PTPRT: variants seen among roughly 807,000 people sequenced by gnomAD.
PTPRT encodes the protein protein tyrosine phosphatase receptor type T, also known as receptor-type tyrosine-protein phosphatase T.
In PTPRT, 56 loss-of-function variants were observed where a neutral mutation model predicts 176.8. That is an observed-to-expected ratio of 0.32 (90% confidence interval 0.26 to 0.40). The LOEUF (loss-of-function observed/expected upper bound fraction) is 0.40, where lower values mean the gene tolerates loss of function less well. PTPRT is among the 10% of genes least tolerant of loss of function. The pLI is 1.00. For synonymous variants in PTPRT, 783 were observed against 739.0 expected, an observed-to-expected ratio of 1.06 and a Z score of -0.96; for missense variants, 1,540 against 1,908.2, an observed-to-expected ratio of 0.81 and a Z score of 3.60.
chr20:42,414,169 C>G (rs2059043508), intron 9 of PTPRT, among the ~76,000 whole-genome samples: 1 of 152,148 alleles, frequency 6.6e-6, no homozygotes, highest in Admixed American at 6.5e-5. Context: ...CCTAGCACTA[C>G]TCAACCAATA....
At chr20:42,946,087 C>T (rs140987935) in intron 1 of PTPRT, among the ~76,000 whole-genome samples, 100 of 152,280 alleles carry the variant, frequency 6.6e-4, no homozygotes, top group African/African-American at 2.1e-3. Flanking sequence ...GGGCCCCTGG[C>T]CAGTTAGAGA....
intron 12 of PTPRT, among the ~76,000 whole-genome samples, chr20:42,297,417 C>T (rs189156300): frequency 1.3e-5 from 2 of 152,240 alleles, no homozygotes; most frequent in East Asian, 1.9e-4. Context: ...AAAGACATCC[C>T]TTATCTCAGG....
intron 1 of PTPRT, among the ~76,000 whole-genome samples, chr20:43,168,513 T>C (rs945050760): frequency 6.6e-6 from 1 of 152,212 alleles, no homozygotes; most frequent in African/African-American, 2.4e-5. Context: ...CCCTATTGCA[T>C]AGGAATTTTT....
At chr20:42,557,839 G>C (rs936325685) in intron 7 of PTPRT, among the ~76,000 whole-genome samples, 2 of 152,178 alleles carry the variant, frequency 1.3e-5, no homozygotes, top group African/African-American at 2.4e-5. Context: ...GAAATTCTCA[G>C]GAAGGCTGGA....
chr20:42,984,316 T>C (rs1395104511), intron 1 of PTPRT, among the ~76,000 whole-genome samples: 1 of 152,130 alleles, frequency 6.6e-6, no homozygotes, highest in Non-Finnish European at 1.5e-5. Context: ...ACAGACCATA[T>C]AAAGAGACAG....
chr20:42,205,012 A>T (rs2055419235), intron 15 of PTPRT, among the ~76,000 whole-genome samples: 1 of 133,858 alleles, frequency 7.5e-6, no homozygotes, highest in African/African-American at 2.8e-5. Context: ...TTTAGGGTAC[A>T]TGTGCACAAC....
At position 42,472,549 on chromosome 20, in the gene PTPRT, G is replaced by T; in HGVS notation, c.1167C>A (p.Gly389=). 6.2e-7 allele frequency: 1 copy of T among 1,613,836 alleles called. No homozygotes were observed. Residue 389 remains glycine (G), a synonymous_variant, in exon 8 of 31, where the codon GGC becomes GGA. Transcript: ENST00000373187. The stretch of plus-strand genomic sequence containing the variant: ...TGTCTACGATTTCCACGTTCTGTGG[G>T]CCATGTACCGGATCTGCAAAACATG... ...TRTKCADPVH[G]PQNVEIVDIR...
chr20:43,002,036 G>A (rs1331356815), intron 1 of PTPRT, among the ~76,000 whole-genome samples: 5 of 152,128 alleles, frequency 3.3e-5, no homozygotes, highest in Non-Finnish European at 7.3e-5. Flanking sequence ...TTATGGGGGC[G>A]GCTTCCCCCA....
At chr20:42,140,525 C>A (rs1988576190) in intron 18 of PTPRT, among the ~76,000 whole-genome samples, 1 of 152,164 alleles carries the variant, frequency 6.6e-6, no homozygotes. Flanking sequence ...TCCTCACCCC[C>A]CAGAACTGAA....
In PTPRT at chr20:42,381,314, A is replaced by C. The variant is rs181051136; in HGVS notation, c.1561-29029T>G. 8.5e-5 allele frequency among the ~76,000 whole-genome samples: 13 copies of C among 152,234 alleles called. No individual in the cohort carries two copies. In the East Asian group the frequency reaches 2.3e-3, roughly 27 times the overall value. On this transcript the variant is annotated intron_variant, in intron 9 of 30. Coordinates refer to ENST00000373187, the MANE Select transcript of PTPRT (RefSeq NM_007050.6). The stretch of plus-strand genomic sequence containing the variant: ...GTATTGGACAACAAAACGTGAGCAG[A>C]AGTGACCTGTTTTTATCCAGGTAAG...
At chr20:42,516,618 A>G (rs78368871) in intron 7 of PTPRT, among the ~76,000 whole-genome samples, 3,654 of 152,222 alleles carry the variant, frequency 0.024, 99 homozygotes, top group East Asian at 0.077. Context: ...ATCTTTTTAC[A>G]TACTTAGGTG....
intron 7 of PTPRT, among the ~76,000 whole-genome samples, chr20:42,674,653 C>A (rs764736126): frequency 6.6e-6 from 1 of 152,094 alleles, no homozygotes; most frequent in Non-Finnish European, 1.5e-5. Context: ...AGTTTAGTAA[C>A]ATATCATTAT....
chr20:42,821,463 C>T (rs527297707), intron 2 of PTPRT, among the ~76,000 whole-genome samples: 78 of 152,090 alleles, frequency 5.1e-4, no homozygotes, highest in African/African-American at 1.7e-3. Context: ...TCTTATTGAA[C>T]GGGCAAAAGC....
At chr20:42,208,746 T>G (rs1327651815) in intron 15 of PTPRT, among the ~76,000 whole-genome samples, 2 of 152,030 alleles carry the variant, frequency 1.3e-5, no homozygotes, top group East Asian at 1.9e-4. Context: ...GAGACAGAAA[T>G]TCAACAAGGA....
At chr20:42,920,491 T>A (rs1047797312) in intron 1 of PTPRT, among the ~76,000 whole-genome samples, 1 of 151,988 alleles carries the variant, frequency 6.6e-6, no homozygotes, top group African/African-American at 2.4e-5. Context: ...GGATGGTGGT[T>A]ACATGATTGT....
intron 1 of PTPRT, among the ~76,000 whole-genome samples, chr20:43,137,052 A>G (rs1166704620): frequency 6.6e-6 from 1 of 152,086 alleles, no homozygotes; most frequent in Non-Finnish European, 1.5e-5. Context: ...ATCTCCTTCC[A>G]TTCCCGTCTC....
chr20:42,946,980 T>G (rs114441302), intron 1 of PTPRT, among the ~76,000 whole-genome samples: 2,954 of 152,092 alleles, frequency 0.019, 101 homozygotes, highest in African/African-American at 0.067. Context: ...GGGTACAACA[T>G]CAAGAACCAG....
chr20:42,368,447 C>G (rs1299759648), intron 9 of PTPRT, among the ~76,000 whole-genome samples: 1 of 152,164 alleles, frequency 6.6e-6, no homozygotes, highest in Non-Finnish European at 1.5e-5. Flanking sequence ...ATCTTGAAAC[C>G]CATTGCCCTT....
At chr20:42,511,951 G>GAACA (rs34322711) in intron 7 of PTPRT, among the ~76,000 whole-genome samples, 1 of 152,002 alleles carries the variant, frequency 6.6e-6, no homozygotes, top group African/African-American at 2.4e-5. Flanking sequence ...AATGAACAAG[G>GAACA]AACAACATTC....
Sources: allele counts gnomAD v4.1 joint callset (sites outside exome capture counted in the v4.1 genomes callset), GRCh38; gene constraint gnomAD v4.1.1; transcripts MANE v1.5; gene names NCBI Gene and HGNC (gene_info 2026-07-23, HGNC 2026-07-21).